The following NDNF variants were observed in gnomAD, a reference collection of about 807,000 sequenced individuals.
NDNF encodes the protein neuron derived neurotrophic factor, also known as protein NDNF.
In NDNF, 16 loss-of-function variants were observed where a neutral mutation model predicts 42.0. The ratio of observed to expected loss-of-function variants is 0.38; its 90% confidence interval spans 0.26 to 0.58. The LOEUF (loss-of-function observed/expected upper bound fraction) is 0.58, where lower values mean the gene tolerates loss of function less well. Among genes scored for constraint, NDNF ranks in the 20% least tolerant of loss-of-function variants. NDNF has a pLI of 0.67. For synonymous variants in NDNF, 248 were observed against 251.7 expected, an observed-to-expected ratio of 0.99 and a Z score of 0.14; for missense variants, 616 against 666.2, an observed-to-expected ratio of 0.92 and a Z score of 0.83.
chr4:121,069,843 T>C (rs1263486584), intron 1 of NDNF, among the ~76,000 whole-genome samples: 1 of 152,180 alleles, frequency 6.6e-6, no homozygotes, highest in East Asian at 1.9e-4. Flanking sequence ...TCCAAGAGTT[T>C]AAACTCATAA....
At chr4:121,053,696 C>T (rs1237784572) in intron 1 of NDNF, among the ~76,000 whole-genome samples, 1 of 152,182 alleles carries the variant, frequency 6.6e-6, no homozygotes, top group Admixed American at 6.5e-5. Flanking sequence ...TCAAAATGTC[C>T]TCTATATGTG....
At chr4:121,064,609 A>G (rs1303648666) in intron 1 of NDNF, among the ~76,000 whole-genome samples, 1 of 152,200 alleles carries the variant, frequency 6.6e-6, no homozygotes, top group Non-Finnish European at 1.5e-5. Context: ...GAAAATAGTG[A>G]CTAATTTGAG....
intron 1 of NDNF, among the ~76,000 whole-genome samples, chr4:121,065,717 TACACACAC>T (rs147500183): frequency 3.4e-5 from 5 of 147,524 alleles, no homozygotes; most frequent in Non-Finnish European, 7.5e-5. Context: ...AAGAATGAAA[TACACACAC>T]ACACACACAC....
Position 121,039,186 on chromosome 4 carries a change from GTGTGTGTATATATATATATATA to G in NDNF, c.313+722_313+743del, listed in dbSNP as rs1485946644. Among the ~76,000 whole-genome samples, 12 of 16,392 alleles carry G rather than the reference GTGTGTGTATATATATATATATA, an allele frequency of 7.3e-4. 1 individual carries two copies. The highest frequency in any genetic ancestry group is 1.3e-3 in the African/African-American group (12 of 9,370). 10.8% of individuals were successfully genotyped at this position (16,392 alleles called of 152,430 possible). ...ATATATATATAAAGACTATGTGTGT[GTGTGTGTATATATATATATATA>G]TATATATATATATATATATATATAT... On this transcript the variant is annotated intron_variant, in intron 3 of 3. Coordinates refer to ENST00000379692, the MANE Select transcript of NDNF (RefSeq NM_024574.4).
At chr4:121,071,633 A>T (rs1727603818) in intron 1 of NDNF, 1 of 152,438 alleles carries the variant, frequency 6.6e-6, no homozygotes, top group South Asian at 2.1e-4. Context: ...CCCAGACCCC[A>T]CTGCACCCCG....
At chr4:121,048,769 C>T (rs10025724) in intron 1 of NDNF, among the ~76,000 whole-genome samples, 4,391 of 151,958 alleles carry the variant, frequency 0.029, 86 homozygotes, top group East Asian at 0.058. Flanking sequence ...ACCCAGGCAG[C>T]GGAGGTTGTA....
Position 121,036,967 on chromosome 4 carries a change from T to G in NDNF, c.1004A>C (p.Lys335Thr). Residue 335 changes from lysine to threonine, a missense_variant, in exon 4 of 4, where the codon AAG becomes ACG. Coordinates refer to ENST00000379692, the MANE Select transcript of NDNF (RefSeq NM_024574.4). ...TAYVGTFART[K>T]EEAKQKTVEL... ...GACTGTCTTCTGTTTGGCTTCTTCC[T>G]TGGTCCTGGCAAAGGTACCTACATA... 1 of 1,614,020 alleles carries G rather than the reference T, an allele frequency of 6.2e-7. No individual in the cohort carries two copies. The highest frequency in any genetic ancestry group is 8.5e-7 in the Non-Finnish European group (1 of 1,180,032).
chr4:121,037,748 G>T, intron 3 of NDNF, 91 bp from the exon 4 acceptor site: 1 of 886,026 alleles, frequency 1.1e-6, no homozygotes, highest in Non-Finnish European at 1.7e-6. Flanking sequence ...TTTTTTCTCC[G>T]TTATGAAAAT....
rs748994984 is a variant in NDNF at position 121,037,342 on chromosome 4, T to C, written c.629A>G (p.Gln210Arg). 6.2e-7 allele frequency: 1 copy of C among 1,614,094 alleles called. No homozygotes were observed. Reference sequence around the variant, plus strand: ...CTCTTTGTTGATGACCACACAGTACTGAATGGGTTGTTTCAGCAAAGAGGC... The same window carrying C: ...CTCTTTGTTGATGACCACACAGTACCGAATGGGTTGTTTCAGCAAAGAGGC... ...PTASLLKQPI[Q>R]YCVVINKEHN... The change falls in exon 4 of 4, where the codon CAG becomes CGG. Residue 210 changes from glutamine (Q) to arginine (R), a missense_variant. Transcript: ENST00000379692.
intron 1 of NDNF, among the ~76,000 whole-genome samples, chr4:121,055,486 A>G (rs1317044753): frequency 6.6e-6 from 1 of 152,212 alleles, no homozygotes; most frequent in Non-Finnish European, 1.5e-5. Flanking sequence ...AGTACTGCAA[A>G]GGTGGAAGAA....
intron 1 of NDNF, among the ~76,000 whole-genome samples, chr4:121,066,080 A>G (rs1230690644): frequency 6.6e-6 from 1 of 152,174 alleles, no homozygotes; most frequent in Non-Finnish European, 1.5e-5. Context: ...GCCATCTCTC[A>G]TGTAACCCAT....
chr4:121,036,678 C>T lies in NDNF; in HGVS notation c.1293G>A (p.Leu431=), dbSNP rs528073294. The part of the protein sequence containing the change: ...LKGNKKGASM[L]KILATTRPTK... ...TAGGCCTTGTGGTAGCTAGAATTTT[C>T]AACATAGATGCTCCTTTCTTGTTTC... Residue 431 remains leucine, a synonymous_variant, in exon 4 of 4, where the codon TTG becomes TTA. Coordinates refer to ENST00000379692, the MANE Select transcript of NDNF (RefSeq NM_024574.4). 87 of 1,614,118 alleles carry T rather than the reference C, an allele frequency of 5.4e-5. 1 individual carries two copies. The African/African-American group carries it at 8.1e-4, about 15-fold the overall frequency.
Position 121,037,606 on chromosome 4 carries a change from C to A in NDNF, c.365G>T (p.Gly122Val). The A allele has an allele frequency of 6.2e-7, 1 of 1,605,738 alleles. No individual in the cohort carries two copies. Among genetic ancestry groups the A allele is most frequent in the Non-Finnish European group, 8.5e-7 (1 of 1,178,228 alleles). ...QQKQQIINEE[G>V]TELFSYKGND... is the part of the protein sequence containing the mutation. ...GCCTTTGTAGGAGAATAACTCAGTG[C>A]CTTCCTCATTAATGATCTGCTGCTT... Residue 122 changes from glycine to valine, a missense_variant, in exon 4 of 4, where the codon GGC (glycine) becomes GTC (valine). Gly to Val is a moderately radical substitution (Grantham distance 109, BLOSUM62 -3). Coordinates refer to ENST00000379692, the MANE Select transcript of NDNF (RefSeq NM_024574.4).
In NDNF at chr4:121,036,338, C is replaced by T. The variant is rs1726863872; in HGVS notation, c.1633G>A (p.Val545Ile). 6.2e-7 allele frequency: 1 copy of T among 1,614,156 alleles called. No individual in the cohort carries two copies. The highest frequency in any genetic ancestry group is 2.2e-5 in the East Asian group (1 of 44,886). The change falls in exon 4 of 4, where the codon GTT becomes ATT. Residue 545 changes from valine (V) to isoleucine (I), a missense_variant. Physicochemically the swap from Val to Ile is conservative, Grantham distance 29. Transcript: ENST00000379692. ...TGCCCCCCATGTCCTATGACATAAA[C>T]ATCCAGCAGGTAAGATTTGCCAGGC... ...LQPGKSYLLD[V>I]YVIGHGGHSV...
intron 1 of NDNF, among the ~76,000 whole-genome samples, chr4:121,070,557 G>A (rs1002289212): frequency 3.3e-5 from 5 of 152,124 alleles, no homozygotes; most frequent in Non-Finnish European, 7.3e-5. Flanking sequence ...GGTTCAGGAA[G>A]CGAGGCAGCA....
intron 1 of NDNF, among the ~76,000 whole-genome samples, chr4:121,056,666 A>G (rs997373776): frequency 6.6e-5 from 10 of 152,240 alleles, no homozygotes; most frequent in Admixed American, 1.3e-4. Flanking sequence ...CATATGTACT[A>G]TCTTCTTAAA....
rs140044869 is a variant in NDNF, at chr4:121,036,806, C to A, written c.1165G>T (p.Val389Leu). ...AGAAGAAGTTTCCCATCTCTTCTCA[C>A]TTGGATTTGGACAGCATCCAGACAA... Reference protein sequence around the residue: ...HSCLDAVQIQVRRDGKLLLSQ... With the variant: ...HSCLDAVQIQLRRDGKLLLSQ... The change falls in exon 4 of 4, where the codon GTG becomes TTG. Residue 389 changes from valine to leucine, a missense_variant. Val to Leu is a conservative substitution (Grantham distance 32). Transcript: ENST00000379692. The A allele has an allele frequency of 3.1e-6, 5 of 1,614,174 alleles. No individual in the cohort carries two copies. In the East Asian group the frequency reaches 1.1e-4, roughly 36 times the overall value.
At position 121,072,128 on chromosome 4, in the gene NDNF, G is replaced by C. The variant is rs1727616455; in HGVS notation, c.-137C>G. On this transcript the variant is annotated 5_prime_UTR_variant, in exon 1 of 4. Coordinates refer to ENST00000379692, the MANE Select transcript of NDNF (RefSeq NM_024574.4). The stretch of plus-strand genomic sequence containing the variant: ...TCCAGGAACGAGAAGCCTGGAGGGC[G>C]GGGACGGAGGCAGATAAAAGAGAAA... 6.6e-6 allele frequency: 1 copy of C among 152,394 alleles called. No homozygotes were observed. The highest frequency in any genetic ancestry group is 1.5e-5 in the Non-Finnish European group (1 of 68,214). 9.4% of individuals were successfully genotyped at this position (152,394 alleles called of 1,614,324 possible). A position where few individuals can be genotyped will look rare whatever the true frequency, so the allele number is the denominator to read the frequency against.
chr4:121,038,945 C>T (rs1218530864), intron 3 of NDNF: 1 of 147,226 alleles, frequency 6.8e-6, no homozygotes, highest in South Asian at 2.2e-4. Context: ...CAAGATTACA[C>T]CATTGCACTC....
Sources: gnomAD v4.1 joint callset for allele counts (sites outside exome capture counted in the v4.1 genomes callset) on GRCh38, gnomAD v4.1.1 for gene constraint, MANE v1.5 for transcripts, NCBI Gene and HGNC (gene_info 2026-07-23, HGNC 2026-07-21) for gene names.